PPP1R14C: variants seen among roughly 807,000 people sequenced by gnomAD.
PPP1R14C encodes protein phosphatase 1 regulatory inhibitor subunit 14C, also known as protein phosphatase 1 regulatory subunit 14C.
A neutral mutation model predicts 20.4 loss-of-function variants in PPP1R14C; 16 were observed. That is an observed-to-expected ratio of 0.78 (90% confidence interval 0.53 to 1.19). PPP1R14C has a LOEUF of 1.19. Among genes scored for constraint, PPP1R14C ranks in the 50% most tolerant of loss-of-function variants. The pLI is 0.00. For synonymous variants in PPP1R14C, 91 were observed against 91.0 expected (o/e 1.00, Z 0.00); for missense variants, 211 against 220.1 (o/e 0.96, Z 0.26).
At chr6:150,178,279 C>G (rs941707878) in intron 1 of PPP1R14C, among the ~76,000 whole-genome samples, 2 of 152,194 alleles carry the variant, frequency 1.3e-5, no homozygotes, top group African/African-American at 2.4e-5. Flanking sequence ...GGGTCTTTCC[C>G]ACAACCTAGC....
intron 2 of PPP1R14C, among the ~76,000 whole-genome samples, chr6:150,215,909 G>A (rs2114911413): frequency 6.6e-6 from 1 of 152,280 alleles, no homozygotes; most frequent in African/African-American, 2.4e-5. Flanking sequence ...GGCTCAACTT[G>A]AATATCCACC....
intron 1 of PPP1R14C, among the ~76,000 whole-genome samples, chr6:150,199,993 G>A (rs1448477411): frequency 6.6e-6 from 1 of 152,148 alleles, no homozygotes; most frequent in East Asian, 1.9e-4. Context: ...TAAACAACGA[G>A]GAAGGTAACT....
chr6:150,210,844 C>T (rs1003992121), intron 1 of PPP1R14C, among the ~76,000 whole-genome samples: 4 of 152,184 alleles, frequency 2.6e-5, no homozygotes, highest in African/African-American at 9.7e-5. Context: ...GCACTCCTCA[C>T]TCTACTGTAT....
chr6:150,208,684 A>G (rs1777983171), intron 1 of PPP1R14C, among the ~76,000 whole-genome samples: 1 of 152,166 alleles, frequency 6.6e-6, no homozygotes, highest in Non-Finnish European at 1.5e-5. Context: ...GCCGTCTCTC[A>G]GTGTCCTTTG....
intron 1 of PPP1R14C, among the ~76,000 whole-genome samples, chr6:150,202,653 G>A (rs1470949264): frequency 6.6e-6 from 1 of 152,208 alleles, no homozygotes; most frequent in Admixed American, 6.5e-5. Context: ...AGCCTGGCCT[G>A]GTCTCAGGGC....
At chr6:150,202,550 A>G (rs954751749) in intron 1 of PPP1R14C, among the ~76,000 whole-genome samples, 2 of 152,248 alleles carry the variant, frequency 1.3e-5, no homozygotes, top group Non-Finnish European at 2.9e-5. Flanking sequence ...CCCATTGGGC[A>G]GAAGAAGCTT....
intron 1 of PPP1R14C, among the ~76,000 whole-genome samples, chr6:150,148,297 A>C (rs1465083975): frequency 6.7e-6 from 1 of 148,230 alleles, no homozygotes; most frequent in Non-Finnish European, 1.5e-5. Flanking sequence ...AGGGAAGTTA[A>C]GAAGTTGCCC....
At chr6:150,232,379 T>C (rs1778305869) in intron 3 of PPP1R14C, among the ~76,000 whole-genome samples, 2 of 152,336 alleles carry the variant, frequency 1.3e-5, no homozygotes, top group African/African-American at 4.8e-5. Context: ...TGGAGCTTAT[T>C]TTCACTTGTG....
intron 1 of PPP1R14C, among the ~76,000 whole-genome samples, chr6:150,169,623 C>A (rs1777475351): frequency 6.6e-6 from 1 of 152,108 alleles, no homozygotes; most frequent in South Asian, 2.1e-4. Context: ...AGGCACAGGA[C>A]AAGTGAATTG....
intron 3 of PPP1R14C, among the ~76,000 whole-genome samples, chr6:150,241,284 G>A (rs559466609): frequency 2.0e-5 from 3 of 152,194 alleles, no homozygotes; most frequent in Admixed American, 6.5e-5. Flanking sequence ...GAGAGGGCAC[G>A]AGAGCTCCAT....
chr6:150,234,986 A>G (rs940279432), intron 3 of PPP1R14C, among the ~76,000 whole-genome samples: 5 of 152,192 alleles, frequency 3.3e-5, no homozygotes, highest in African/African-American at 1.2e-4. Flanking sequence ...GATTTCATTT[A>G]CATAAAATGC....
chr6:150,216,144 G>A (rs1778089929), intron 2 of PPP1R14C, among the ~76,000 whole-genome samples: 1 of 152,228 alleles, frequency 6.6e-6, no homozygotes, highest in Non-Finnish European at 1.5e-5. Flanking sequence ...CCTAATGGAT[G>A]CTTGAGCATC....
intron 1 of PPP1R14C, 139 bp from the exon 2 acceptor site, chr6:150,214,605 A>C (rs1291908593): frequency 3.1e-4 from 109 of 354,420 alleles, no homozygotes; most frequent in South Asian, 4.8e-4. Flanking sequence ...CTCTCCCCCT[A>C]GCCTCTCCTT....
intron 3 of PPP1R14C, among the ~76,000 whole-genome samples, chr6:150,221,900 G>A (rs1778171649): frequency 6.6e-6 from 1 of 152,170 alleles, no homozygotes; most frequent in Non-Finnish European, 1.5e-5. Context: ...CTGGGCTCAA[G>A]CGATCCTCCT....
At chr6:150,217,200 T>G (rs1778105033) in intron 3 of PPP1R14C, among the ~76,000 whole-genome samples, 1 of 151,178 alleles carries the variant, frequency 6.6e-6, no homozygotes, top group South Asian at 2.1e-4. Context: ...TATGTATTTT[T>G]TTTTTTTTTT....
At chr6:150,189,133 A>G (rs1027190182) in intron 1 of PPP1R14C, among the ~76,000 whole-genome samples, 14 of 152,162 alleles carry the variant, frequency 9.2e-5, no homozygotes, top group African/African-American at 3.1e-4. Context: ...TGCTGGGATT[A>G]CAGGTGTGAG....
At chr6:150,181,206 C>T (rs1777618070) in intron 1 of PPP1R14C, among the ~76,000 whole-genome samples, 1 of 152,118 alleles carries the variant, frequency 6.6e-6, no homozygotes, top group Non-Finnish European at 1.5e-5. Flanking sequence ...GGCCTGGAGT[C>T]TCACTATGTC....
At chr6:150,170,317 C>CT (rs540768379) in intron 1 of PPP1R14C, among the ~76,000 whole-genome samples, 9,870 of 142,810 alleles carry the variant, frequency 0.069, 470 homozygotes, top group East Asian at 0.2. Flanking sequence ...GTGCTAGTTA[C>CT]TTTTTTTTTT....
intron 1 of PPP1R14C, among the ~76,000 whole-genome samples, chr6:150,165,125 T>G (rs1777409597): frequency 6.6e-6 from 1 of 152,254 alleles, no homozygotes; most frequent in Non-Finnish European, 1.5e-5. Context: ...CCAAACTGAC[T>G]AAGACAGGAG....
Sources: gnomAD v4.1 joint callset for allele counts (sites outside exome capture counted in the v4.1 genomes callset) on GRCh38, gnomAD v4.1.1 for gene constraint, MANE v1.5 for transcripts, NCBI Gene and HGNC (gene_info 2026-07-23, HGNC 2026-07-21) for gene names.